RAPGEFL1: variants seen among roughly 807,000 people sequenced by gnomAD.
The protein encoded by RAPGEFL1 is Rap guanine nucleotide exchange factor like 1.
A neutral mutation model predicts 64.4 loss-of-function variants in RAPGEFL1; 31 were observed. The ratio of observed to expected loss-of-function variants is 0.48; its 90% CI spans 0.36 to 0.65. RAPGEFL1 has a LOEUF of 0.65. RAPGEFL1 is among the 30% of genes least tolerant of loss of function. RAPGEFL1 has a pLI of 0.00. For synonymous variants in RAPGEFL1, 331 were observed against 274.1 expected, an observed-to-expected ratio of 1.21 and a Z score of -2.05; for missense variants, 682 against 677.4, an observed-to-expected ratio of 1.01 and a Z score of -0.08.
chr17:40,181,887 G>C (rs1295357287), intron 2 of RAPGEFL1, among the ~76,000 whole-genome samples, 193 bp downstream of exon 2: 1 of 152,046 alleles, frequency 6.6e-6, no homozygotes, highest in Non-Finnish European at 1.5e-5. Context: ...ATCAAGACCA[G>C]CCAGGCTAAC....
intron 4 of RAPGEFL1, among the ~76,000 whole-genome samples, chr17:40,187,101 C>G (rs1477709182): frequency 6.6e-6 from 1 of 151,890 alleles, no homozygotes; most frequent in Non-Finnish European, 1.5e-5. Context: ...AGCCACCACA[C>G]CTGGCCTGAC....
At chr17:40,181,581 C>T (rs750041365) in intron 1 of RAPGEFL1, 35 bp from the exon 2 acceptor site, 2 of 701,778 alleles carry the variant, frequency 2.8e-6, no homozygotes, top group East Asian at 2.7e-5. Flanking sequence ...TGGAAGTGCC[C>T]ACCTGACATC....
In RAPGEFL1 at chr17:40,178,268, C is replaced by T. The variant is rs1989783936; in HGVS notation, c.407C>T (p.Pro136Leu). ...YSSDELSPGE[P>L]LTSPPWAPLG... ...TCTGACGAGCTGTCCCCAGGCGAGCCCTTGACTTCGCCGCCCTGGGCCCCT... is the reference window on the plus strand; with the variant it reads ...TCTGACGAGCTGTCCCCAGGCGAGCTCTTGACTTCGCCGCCCTGGGCCCCT... Residue 136 changes from proline (P) to leucine (L), a missense_variant, in exon 1 of 15, where the codon CCC becomes CTC. Physicochemically the swap from Pro to Leu is moderately conservative, Grantham distance 98. Coordinates refer to ENST00000620260, the MANE Select transcript of RAPGEFL1 (RefSeq NM_016339.6). 3.1e-6 allele frequency: 2 copies of T among 650,500 alleles called. No individual in the cohort carries two copies. The highest frequency in any genetic ancestry group is 5.6e-6 in the Non-Finnish European group (2 of 357,738). The allele number at this position is 650,500 out of a possible 1,614,324, so 40.3% of individuals were successfully genotyped here.
At chr17:40,184,506 C>A in intron 3 of RAPGEFL1, 75 bp from the exon 4 acceptor site, 1 of 1,163,136 alleles carries the variant, frequency 8.6e-7, no homozygotes, top group Non-Finnish European at 1.2e-6. Flanking sequence ...GTATGGAGAC[C>A]TTGCCCGGCC....
intron 6 of RAPGEFL1, among the ~76,000 whole-genome samples, chr17:40,189,603 G>A (rs1328418483): frequency 2.6e-5 from 4 of 151,616 alleles, no homozygotes; most frequent in Non-Finnish European, 4.4e-5. Flanking sequence ...CAGGAGGATT[G>A]CTTGAGCCCA....
intron 8 of RAPGEFL1, 96 bp downstream of exon 8, chr17:40,190,858 C>T (rs765082937): frequency 1.1e-5 from 17 of 1,538,924 alleles, no homozygotes; most frequent in Non-Finnish European, 1.5e-5. Context: ...TTCCAAGGCT[C>T]ACTTGCAGCA....
upstream of RAPGEFL1, chr17:40,177,224 T>C (rs1283821139): frequency 5.7e-6 from 4 of 702,518 alleles, no homozygotes; most frequent in Non-Finnish European, 1.0e-5. Flanking sequence ...AGACCTGTCC[T>C]GACTCTTTGA....
chr17:40,194,397 T>G lies in RAPGEFL1; in HGVS notation c.*609T>G, dbSNP rs1166044699. The G allele has an allele frequency of 2.0e-5, 3 of 153,214 alleles. No individual in the cohort carries two copies. The highest frequency in any genetic ancestry group is 6.5e-5 in the Admixed American group (1 of 15,320). The allele number at this position is 153,214 out of a possible 1,614,324, so 9.5% of individuals were successfully genotyped here. A position where few individuals can be genotyped will look rare whatever the true frequency, so the allele number is the denominator to read the frequency against. ...TACCCTTGTCTACTCTGCCCCTGGA[T>G]GGTGCGGGGTGCTTTCTCCACCCCC... On this transcript the variant is annotated 3_prime_UTR_variant, in exon 15 of 15. Transcript: ENST00000620260.
At chr17:40,193,474 T>G in intron 14 of RAPGEFL1, 57 bp downstream of exon 14, 1 of 1,598,070 alleles carries the variant, frequency 6.3e-7, no homozygotes, top group Non-Finnish European at 8.6e-7. Context: ...AACGGGAGGG[T>G]TCAGGGGAGA....
chr17:40,188,920 C>T lies in RAPGEFL1; in HGVS notation c.888C>T (p.His296=), dbSNP rs1448314180. 6.2e-7 allele frequency: 1 copy of T among 1,614,236 alleles called. No homozygotes were observed. The highest frequency in any genetic ancestry group is 2.2e-5 in the East Asian group (1 of 44,886). Residue 296 remains histidine (H), a synonymous_variant, in exon 5 of 15, where the codon CAC becomes CAT. Transcript: ENST00000620260. ...AGCAGGTGAAGCCACTCTTCCGCCACTTCCGCCGGATAGACTCCTGTCTGC... is the reference window on the plus strand; with the variant it reads ...AGCAGGTGAAGCCACTCTTCCGCCATTTCCGCCGGATAGACTCCTGTCTGC... The part of the protein sequence containing the change: ...PSKQVKPLFR[H]FRRIDSCLQT...
intron 8 of RAPGEFL1, 183 bp downstream of exon 8, chr17:40,190,945 C>A: frequency 1.2e-6 from 1 of 857,132 alleles, no homozygotes; most frequent in African/African-American, 1.7e-5. Flanking sequence ...CCCCAGAGCA[C>A]AGTGGCTCAG....
At chr17:40,187,921 T>A (rs1990134080) in intron 4 of RAPGEFL1, among the ~76,000 whole-genome samples, 1 of 142,748 alleles carries the variant, frequency 7.0e-6, no homozygotes, top group Non-Finnish European at 1.5e-5. Context: ...CCTTTTTTTT[T>A]TTTTTTTTTT....
At chr17:40,177,391 G>T, upstream of RAPGEFL1, 1 of 697,424 alleles carries the variant, frequency 1.4e-6, no homozygotes, top group Admixed American at 2.0e-5. Flanking sequence ...GCCTCGTGCG[G>T]CGCGGGGGCG....
upstream of RAPGEFL1, chr17:40,177,356 G>T: frequency 2.8e-6 from 2 of 702,024 alleles, no homozygotes; most frequent in South Asian, 1.5e-5. Flanking sequence ...TTTCCCTCGC[G>T]GTCAACCCCA....
In RAPGEFL1 at chr17:40,184,673, A is replaced by G; in HGVS notation, c.828A>G (p.Glu276=). 6.4e-7 allele frequency: 1 copy of G among 1,567,618 alleles called. No homozygotes were observed. The highest frequency in any genetic ancestry group is 8.7e-7 in the Non-Finnish European group (1 of 1,145,886). ...LRLHQLVETV[E]LKIPEENQPP... is the part of the protein sequence containing the mutation. Reference sequence around the variant, plus strand: ...TGCACCAGCTGGTGGAGACGGTGGAACTAAAGTGAGGGGGAGTGGGGCAGG... The same window carrying G: ...TGCACCAGCTGGTGGAGACGGTGGAGCTAAAGTGAGGGGGAGTGGGGCAGG... Residue 276 remains glutamate (E), a synonymous_variant, in exon 4 of 15, where the codon GAA becomes GAG. Transcript: ENST00000620260.
Position 40,177,553 on chromosome 17 carries a change from T to C in RAPGEFL1, c.-309T>C, listed in dbSNP as rs1989748118. 12 of 511,146 alleles carry C rather than the reference T, an allele frequency of 2.3e-5. No individual in the cohort carries two copies. The highest frequency in any genetic ancestry group is 7.4e-5 in the Admixed American group (2 of 26,908). 31.7% of individuals were successfully genotyped at this position (511,146 alleles called of 1,614,324 possible). On this transcript the variant is annotated 5_prime_UTR_variant, in exon 1 of 15. Coordinates refer to ENST00000620260, the MANE Select transcript of RAPGEFL1 (RefSeq NM_016339.6). ...TCAGCCTTGCGCTCCGCCCGCTGCC[T>C]CTGCCGCCGCAGCGCAGAGCCGGGC...
chr17:40,189,771 C>T (rs1990197280), intron 6 of RAPGEFL1, among the ~76,000 whole-genome samples: 1 of 152,136 alleles, frequency 6.6e-6, no homozygotes, highest in Non-Finnish European at 1.5e-5. Context: ...CAGGACCCCC[C>T]AGGGGACTCC....
intron 1 of RAPGEFL1, chr17:40,181,317 G>A (rs1989886653): frequency 1.9e-6 from 1 of 539,168 alleles, no homozygotes; most frequent in South Asian, 1.5e-5. Context: ...CAACCTTGGT[G>A]TGTTATCTGA....
intron 1 of RAPGEFL1, chr17:40,181,164 A>C: frequency 2.7e-6 from 1 of 373,108 alleles, no homozygotes; most frequent in South Asian, 2.0e-5. Flanking sequence ...TAGAACTCAA[A>C]GCTGTTAGGT....
Sources: allele counts gnomAD v4.1 joint callset (sites outside exome capture counted in the v4.1 genomes callset), GRCh38; gene constraint gnomAD v4.1.1; transcripts MANE v1.5; gene names NCBI Gene and HGNC (gene_info 2026-07-23, HGNC 2026-07-21).